CTNNA2: variants seen among roughly 807,000 people sequenced by gnomAD.
CTNNA2 encodes catenin alpha 2, also known as catenin alpha-2.
In CTNNA2, 42 loss-of-function variants were observed where a neutral mutation model predicts 101.0. That is an observed-to-expected ratio of 0.42 (90% CI 0.32 to 0.54). The LOEUF is 0.54. CTNNA2 is among the 20% of genes least tolerant of loss of function. The pLI, the probability that CTNNA2 is intolerant of heterozygous loss-of-function variation, is 0.14. For missense variants in CTNNA2, 871 were observed against 1,223.1 expected, an observed-to-expected ratio of 0.71 and a Z score of 4.29; for synonymous variants, 450 against 456.4, an observed-to-expected ratio of 0.99 and a Z score of 0.18.
At chr2:80,383,983 C>A (rs2862289) in intron 7 of CTNNA2, among the ~76,000 whole-genome samples, 4,605 of 152,026 alleles carry the variant, frequency 0.03, 214 homozygotes, top group African/African-American at 0.11. Context: ...CACTATGCAG[C>A]CACAAAAAAG....
chr2:80,627,402 C>T (rs917907725), intron 18 of CTNNA2, among the ~76,000 whole-genome samples: 15 of 151,976 alleles, frequency 9.9e-5, no homozygotes, highest in Non-Finnish European at 1.6e-4. Context: ...TTTTAATGAT[C>T]GCCATTCTAA....
chr2:79,224,533 T>C (rs10177878), intron 2 of CTNNA2, among the ~76,000 whole-genome samples: 60,759 of 152,024 alleles, frequency 0.4, 14,014 homozygotes, highest in Non-Finnish European at 0.51. Flanking sequence ...TGCAGACATA[T>C]ATACAAATAT....
At chr2:80,041,901 C>A (rs753435421) in intron 7 of CTNNA2, among the ~76,000 whole-genome samples, 3 of 152,084 alleles carry the variant, frequency 2.0e-5, no homozygotes, top group Non-Finnish European at 4.4e-5. Flanking sequence ...TAGGTTCTCT[C>A]ATGGGTTCAA....
chr2:80,141,241 A>C (rs1427842898), intron 7 of CTNNA2, among the ~76,000 whole-genome samples: 1 of 152,022 alleles, frequency 6.6e-6, no homozygotes, highest in East Asian at 1.9e-4. Context: ...ACCAAGAAAG[A>C]AAGCCCTCAA....
intron 7 of CTNNA2, among the ~76,000 whole-genome samples, chr2:80,376,535 A>G (rs1319236794): frequency 6.6e-6 from 1 of 152,130 alleles, no homozygotes; most frequent in Admixed American, 6.5e-5. Flanking sequence ...GTGTTTTAGC[A>G]GGGAACTTCT....
chr2:79,959,107 G>A (rs1274518460), intron 7 of CTNNA2, among the ~76,000 whole-genome samples: 1 of 151,452 alleles, frequency 6.6e-6, no homozygotes, highest in African/African-American at 2.4e-5. Flanking sequence ...CCAGGCTGTA[G>A]TGTGATCACA....
intron 3 of CTNNA2, among the ~76,000 whole-genome samples, chr2:79,768,778 C>G (rs17017837): frequency 6.6e-6 from 1 of 151,984 alleles, no homozygotes; most frequent in Non-Finnish European, 1.5e-5. Flanking sequence ...CCCTAACACA[C>G]GCCAACTCTC....
intron 2 of CTNNA2, among the ~76,000 whole-genome samples, chr2:79,300,823 A>C (rs1676091465): frequency 6.6e-6 from 1 of 151,938 alleles, no homozygotes; most frequent in Non-Finnish European, 1.5e-5. Flanking sequence ...GATCTTTCTG[A>C]TATGTAAATC....
intron 9 of CTNNA2, among the ~76,000 whole-genome samples, chr2:80,519,891 A>C (rs1689395994): frequency 6.6e-6 from 1 of 152,214 alleles, no homozygotes; most frequent in Admixed American, 6.5e-5. Flanking sequence ...GTGACACCAG[A>C]GACCATCCTC....
intron 7 of CTNNA2, among the ~76,000 whole-genome samples, chr2:80,213,296 T>C (rs1482827811): frequency 6.6e-6 from 1 of 152,270 alleles, no homozygotes; most frequent in Non-Finnish European, 1.5e-5. Context: ...GTTCTTTTAA[T>C]TGTGATGTTA....
intron 4 of CTNNA2, among the ~76,000 whole-genome samples, chr2:79,868,140 T>C (rs1346069523): frequency 6.6e-6 from 1 of 152,200 alleles, no homozygotes; most frequent in African/African-American, 2.4e-5. Context: ...ATGAGCACTA[T>C]TAGAGCCTAG....
intron 9 of CTNNA2, among the ~76,000 whole-genome samples, chr2:80,440,643 G>GA (rs5832454): frequency 0.24 from 35,962 of 152,048 alleles, 6,441 homozygotes; most frequent in African/African-American, 0.51. Context: ...GAAGGATAAA[G>GA]AAGGAAGATA....
upstream of CTNNA2, among the ~76,000 whole-genome samples, chr2:79,512,497 CCCT>C (rs913356583): frequency 6.6e-6 from 1 of 152,094 alleles, no homozygotes; most frequent in African/African-American, 2.4e-5. Context: ...TCTGGCCCTG[CCCT>C]CCTCCTGCCA....
At chr2:79,955,872 C>T (rs1304816684) in intron 7 of CTNNA2, among the ~76,000 whole-genome samples, 2 of 152,186 alleles carry the variant, frequency 1.3e-5, no homozygotes, top group Non-Finnish European at 2.9e-5. Context: ...CACCTGGCCT[C>T]TGCTAGGAGC....
intron 4 of CTNNA2, among the ~76,000 whole-genome samples, chr2:79,456,984 G>A (rs747716438): frequency 6.6e-6 from 1 of 152,042 alleles, no homozygotes; most frequent in Non-Finnish European, 1.5e-5. Context: ...GGCAGATCAC[G>A]AGGTCAGGAG....
chr2:80,431,536 T>A (rs1681505756), intron 9 of CTNNA2, among the ~76,000 whole-genome samples: 1 of 152,222 alleles, frequency 6.6e-6, no homozygotes, highest in Non-Finnish European at 1.5e-5. Flanking sequence ...GAATCTTGAA[T>A]TTGTGGGTTA....
chr2:79,325,594 A>C (rs549261591), intron 3 of CTNNA2, among the ~76,000 whole-genome samples: 11 of 152,314 alleles, frequency 7.2e-5, no homozygotes, highest in Admixed American at 5.9e-4. Context: ...TCCCCAGTGC[A>C]TTGTGAAATG....
chr2:80,647,821 C>T lies in CTNNA2; in HGVS notation c.2811C>T (p.His937=). 2.5e-6 allele frequency: 4 copies of T among 1,613,504 alleles called. No homozygotes were observed. Among genetic ancestry groups the T allele is most frequent in the Non-Finnish European group, 3.4e-6 (4 of 1,179,534 alleles). The change falls in exon 19 of 19, where the codon CAC becomes CAT. Residue 937 remains histidine (H), a synonymous_variant. Coordinates refer to ENST00000402739, the MANE Select transcript of CTNNA2 (RefSeq NM_001282597.3). ...TTCGACGAGGTTCTCAGAAGAAACA[C>T]ATTTCGCCTGTACAGGCTTTAAGTG... The part of the protein sequence containing the change: ...TRVRRGSQKK[H]ISPVQALSEF...
At chr2:79,721,616 T>C (rs1686494642) in intron 2 of CTNNA2, among the ~76,000 whole-genome samples, 1 of 152,242 alleles carries the variant, frequency 6.6e-6, no homozygotes, top group Non-Finnish European at 1.5e-5. Context: ...GAAATGGTAT[T>C]ATCTATGCAC....
Sources: allele counts gnomAD v4.1 joint callset (sites outside exome capture counted in the v4.1 genomes callset), GRCh38; gene constraint gnomAD v4.1.1; transcripts MANE v1.5; gene names NCBI Gene and HGNC (gene_info 2026-07-23, HGNC 2026-07-21).